The following RAVER2 variants were observed in gnomAD, a reference collection of about 807,000 sequenced individuals.
The protein encoded by RAVER2 is ribonucleoprotein, PTB binding 2.
In RAVER2, 46 loss-of-function variants were observed where a neutral mutation model predicts 78.1. The ratio of observed to expected loss-of-function variants is 0.59; its 90% CI spans 0.46 to 0.75. RAVER2 has a LOEUF of 0.75. Among genes scored for constraint, RAVER2 ranks in the 30% least tolerant of loss-of-function variants. RAVER2 has a pLI of 0.00. For synonymous variants in RAVER2, 311 were observed against 313.3 expected (o/e 0.99, Z 0.08); for missense variants, 793 against 837.5 (o/e 0.95, Z 0.66).
In RAVER2 at chr1:64,745,795, G is replaced by T. The variant is rs982375208; in HGVS notation, c.249+374G>T. On this transcript the variant is annotated intron_variant, in intron 1 of 11. Transcript: ENST00000294428. The surrounding 1 kb of genome is among the most constrained non-coding windows in gnomAD (Gnocchi z 4.3). Reference sequence around the variant, plus strand: ...TTGCGGGGGGGAGCGGGGGTAGAGGGGGCCGAAGCTTCGGGAGCACCTTGG... The same window carrying T: ...TTGCGGGGGGGAGCGGGGGTAGAGGTGGCCGAAGCTTCGGGAGCACCTTGG... Among the ~76,000 whole-genome samples, 1 of 151,984 alleles carries T rather than the reference G, an allele frequency of 6.6e-6. No homozygotes were observed. The highest frequency in any genetic ancestry group is 1.5e-5 in the Non-Finnish European group (1 of 67,990).
At chr1:64,769,353 G>A (rs1268596098) in intron 2 of RAVER2, among the ~76,000 whole-genome samples, 1 of 151,964 alleles carries the variant, frequency 6.6e-6, no homozygotes, top group East Asian at 1.9e-4. Flanking sequence ...AGATAAAGAT[G>A]AAATTCACTT....
At chr1:64,746,419 C>T (rs1651539645) in intron 1 of RAVER2, among the ~76,000 whole-genome samples, 1 of 152,182 alleles carries the variant, frequency 6.6e-6, no homozygotes, top group Non-Finnish European at 1.5e-5. Flanking sequence ...TTATATACTG[C>T]TCCGAGTGTG....
chr1:64,790,379 G>A (rs1190111003), intron 5 of RAVER2, among the ~76,000 whole-genome samples: 1 of 152,116 alleles, frequency 6.6e-6, no homozygotes, highest in Admixed American at 6.5e-5. Flanking sequence ...TAATCACTTA[G>A]TAGCCTTCTT....
At chr1:64,819,857 T>C (rs1191072994) in intron 11 of RAVER2, among the ~76,000 whole-genome samples, 1 of 152,164 alleles carries the variant, frequency 6.6e-6, no homozygotes, top group Non-Finnish European at 1.5e-5. Flanking sequence ...TGTCGGAGAT[T>C]TGGCAACATC....
chr1:64,780,420 A>G (rs1313644234), intron 3 of RAVER2, among the ~76,000 whole-genome samples: 1 of 152,206 alleles, frequency 6.6e-6, no homozygotes, highest in Non-Finnish European at 1.5e-5. Flanking sequence ...GTGAAGGAAA[A>G]GATAGAAATT....
chr1:64,769,651 C>G (rs78399802), intron 2 of RAVER2, among the ~76,000 whole-genome samples: 2,892 of 152,132 alleles, frequency 0.019, 34 homozygotes, highest in Non-Finnish European at 0.026. Flanking sequence ...ATTTCCTGCT[C>G]ACACTTCCCT....
chr1:64,824,419 T>C (rs930685310), intron 11 of RAVER2, among the ~76,000 whole-genome samples: 1 of 152,236 alleles, frequency 6.6e-6, no homozygotes, highest in African/African-American at 2.4e-5. Flanking sequence ...CATTGTGTTA[T>C]GTAATGAATG....
At chr1:64,817,752 G>C (rs1284165277) in intron 11 of RAVER2, among the ~76,000 whole-genome samples, 5 of 134,606 alleles carry the variant, frequency 3.7e-5, no homozygotes, top group Non-Finnish European at 7.9e-5. Flanking sequence ...GGGGCCTGTC[G>C]TGGGGTGGGG....
Position 64,807,195 on chromosome 1 carries a change from G to A in RAVER2, c.1412-11G>A, listed in dbSNP as rs762128444. 6.3e-7 allele frequency: 1 copy of A among 1,596,504 alleles called. No individual in the cohort carries two copies. The highest frequency in any genetic ancestry group is 1.1e-5 in the South Asian group (1 of 90,060). On this transcript the variant is annotated splice_polypyrimidine_tract_variant and intron_variant, in intron 8 of 11. Coordinates refer to ENST00000294428, the Ensembl canonical transcript of RAVER2. ...TAACTAAAAGCTTTTTGCATTTATGGTTTGCTACAGCATCTAGCCTGATTC... is the reference window on the plus strand; with the variant it reads ...TAACTAAAAGCTTTTTGCATTTATGATTTGCTACAGCATCTAGCCTGATTC...
intron 1 of RAVER2, among the ~76,000 whole-genome samples, chr1:64,764,272 A>G (rs574589617): frequency 6.6e-6 from 1 of 152,198 alleles, no homozygotes; most frequent in South Asian, 2.1e-4. Context: ...TATGAGAGAG[A>G]CAGCCCTGCA....
intron 5 of RAVER2, among the ~76,000 whole-genome samples, chr1:64,795,394 T>C (rs1474163248): frequency 6.6e-6 from 1 of 152,158 alleles, no homozygotes; most frequent in Non-Finnish European, 1.5e-5. Context: ...ATTTGTATGC[T>C]AATTTAGGCA....
At chr1:64,803,204 A>C (rs567059535) in intron 6 of RAVER2, 143 bp downstream of exon 6, 23 of 569,114 alleles carry the variant, frequency 4.0e-5, no homozygotes, top group Non-Finnish European at 6.7e-5. Context: ...GGTATGTAAA[A>C]TCATAACTTA....
chr1:64,787,635 G>A (rs901671383), intron 4 of RAVER2, among the ~76,000 whole-genome samples: 9 of 152,170 alleles, frequency 5.9e-5, no homozygotes, highest in Non-Finnish European at 1.0e-4. Context: ...TGGTCTGCCC[G>A]CCTAGTGTTA....
chr1:64,753,523 C>CTTTTTTTTTTTTTTTTTTTTTTTTTTTT, intron 1 of RAVER2, among the ~76,000 whole-genome samples: 1 of 100,914 alleles, frequency 9.9e-6, no homozygotes, highest in Non-Finnish European at 1.8e-5. Flanking sequence ...GTATAGAATT[C>CTTTTTTTTTTTTTTTTTTTTTTTTTTTT]TTTTTTTTTT....
chr1:64,757,847 A>G (rs1557582469), intron 1 of RAVER2, among the ~76,000 whole-genome samples: 1 of 152,180 alleles, frequency 6.6e-6, no homozygotes, highest in Non-Finnish European at 1.5e-5. Flanking sequence ...AATTTTAATC[A>G]TTCCAGTTTT....
intron 2 of RAVER2, among the ~76,000 whole-genome samples, chr1:64,770,417 T>TA (rs1570539711): frequency 6.6e-6 from 1 of 152,042 alleles, no homozygotes; most frequent in East Asian, 1.9e-4. Context: ...TAACAAAACT[T>TA]AAAAACAAGA....
chr1:64,797,675 T>C (rs941488654), intron 5 of RAVER2, among the ~76,000 whole-genome samples: 1 of 152,234 alleles, frequency 6.6e-6, no homozygotes, highest in Admixed American at 6.5e-5. Context: ...AAAATGGTGA[T>C]CTTTATCCCT....
chr1:64,818,912 C>T (rs931593973), intron 11 of RAVER2, among the ~76,000 whole-genome samples: 4 of 152,074 alleles, frequency 2.6e-5, no homozygotes, highest in African/African-American at 7.2e-5. Flanking sequence ...CTCCAAGGGA[C>T]CTGGTAGAAA....
rs376150529 is a variant in RAVER2, at chr1:64,763,105, C to T, written c.250-5551C>T. On this transcript the variant is annotated intron_variant, in intron 1 of 11. Coordinates refer to ENST00000294428, the Ensembl canonical transcript of RAVER2. ...CGGGCAGATCATGAGGTCAGGCGAT[C>T]GAGACCATCCTGGCTAACACGGTGA... is the stretch of plus-strand genomic sequence containing the variant. Among the ~76,000 whole-genome samples the T allele has an allele frequency of 2.3e-4, 35 of 151,914 alleles. 7 individuals carry two copies. The highest frequency in any genetic ancestry group is 4.2e-4 in the South Asian group (2 of 4,802).
Sources: gnomAD v4.1 joint callset for allele counts (sites outside exome capture counted in the v4.1 genomes callset) on GRCh38, gnomAD v4.1.1 for gene constraint, Gnocchi (gnomAD v3.1) non-coding constraint, MANE v1.5 for transcripts, NCBI Gene and HGNC (gene_info 2026-07-23, HGNC 2026-07-21) for gene names.